The following CDH12 variants were observed in gnomAD, a reference collection of about 807,000 sequenced individuals.
CDH12 encodes cadherin 12, also known as cadherin-12.
A neutral mutation model predicts 74.1 loss-of-function variants in CDH12; 41 were observed. That is an observed-to-expected ratio of 0.55 (90% CI 0.43 to 0.72). CDH12 has a LOEUF of 0.72. Among genes scored for constraint, CDH12 ranks in the 30% least tolerant of loss-of-function variants. The probability of loss-of-function intolerance (pLI) is 0.00; values close to 1 mark genes in which losing one functional copy is unlikely to be tolerated. For synonymous variants in CDH12, 399 were observed against 355.0 expected (o/e 1.12, Z -1.39); for missense variants, 945 against 977.2 (o/e 0.97, Z 0.44).
intron 2 of CDH12, among the ~76,000 whole-genome samples, chr5:22,453,552 C>A (rs1745137846): frequency 6.6e-6 from 1 of 151,964 alleles, no homozygotes; most frequent in Non-Finnish European, 1.5e-5. Flanking sequence ...AGAAGTAGAG[C>A]ATTAAATAGT....
At chr5:21,811,391 A>G (rs918015020) in intron 9 of CDH12, among the ~76,000 whole-genome samples, 1 of 152,044 alleles carries the variant, frequency 6.6e-6, no homozygotes, top group African/African-American at 2.4e-5. Flanking sequence ...TTTGGAGAAA[A>G]TTCAAGTGCT....
chr5:22,431,536 G>A lies in CDH12; in HGVS notation c.-427-26185C>T, dbSNP rs572414752. On this transcript the variant is annotated intron_variant, in intron 2 of 14. Transcript: ENST00000382254. ...CTATTCTTTTTACAAGTATTTTAGA[G>A]TGGACTCCTTCTACTTATTAAAAAA... Among the ~76,000 whole-genome samples, 651 of 152,322 alleles carry A rather than the reference G, an allele frequency of 4.3e-3. 4 individuals are homozygous for A. Among genetic ancestry groups the A allele is most frequent in the African/African-American group, 0.015 (631 of 41,566 alleles).
chr5:22,138,535 G>A (rs1746586269), intron 4 of CDH12, among the ~76,000 whole-genome samples: 1 of 150,890 alleles, frequency 6.6e-6, no homozygotes, highest in Non-Finnish European at 1.5e-5. Context: ...CAAAATGAAT[G>A]TCTTCCTTTT....
intron 2 of CDH12, among the ~76,000 whole-genome samples, chr5:22,501,698 T>C (rs539998020): frequency 1.3e-4 from 20 of 150,456 alleles, no homozygotes; most frequent in South Asian, 1.0e-3. Flanking sequence ...GAATATCACA[T>C]GAACAAAATT....
intron 1 of CDH12, among the ~76,000 whole-genome samples, chr5:22,654,260 T>TTCTTTCTTTCTTTTAC (rs1739905096): frequency 6.6e-6 from 1 of 151,624 alleles, no homozygotes; most frequent in African/African-American, 2.4e-5. Flanking sequence ...TTCTCTTTCT[T>TTCTTTCTTTCTTTTAC]GCTTTCTTTC....
At chr5:21,974,949 A>G (rs1756996491) in intron 6 of CDH12, 142 bp downstream of exon 6, 2 of 650,906 alleles carry the variant, frequency 3.1e-6, no homozygotes, top group East Asian at 2.8e-5. Flanking sequence ...AAAAAGTTAC[A>G]AAAATAAATG....
intron 3 of CDH12, among the ~76,000 whole-genome samples, chr5:22,293,231 G>A (rs748155536): frequency 1.1e-4 from 17 of 152,080 alleles, no homozygotes; most frequent in Non-Finnish European, 1.8e-4. Context: ...AACGGGGACC[G>A]GACACAGTAG....
chr5:22,730,808 A>G (rs1363630810), intron 1 of CDH12, among the ~76,000 whole-genome samples: 1 of 151,832 alleles, frequency 6.6e-6, no homozygotes, highest in Non-Finnish European at 1.5e-5. Context: ...TATTATACAT[A>G]ATTTATTCCT....
At position 22,725,601 on chromosome 5, in the gene CDH12, T is replaced by TTTA. The variant is rs546393983; in HGVS notation, c.-523+127456_-523+127457insTAA. Reference sequence around the variant, plus strand: ...GGCAGGTCCTTCAAGCCATTTTTTTTTATATATATAAGGACACTAATCTCA... The same window carrying TTTA: ...GGCAGGTCCTTCAAGCCATTTTTTTTTTATATATATATAAGGACACTAATCTCA... On this transcript the variant is annotated intron_variant, in intron 1 of 14. Coordinates refer to ENST00000382254, the MANE Select transcript of CDH12 (RefSeq NM_004061.5). Among the ~76,000 whole-genome samples, 1,199 of 151,366 alleles carry TTTA rather than the reference T, an allele frequency of 7.9e-3. 15 individuals are homozygous for TTTA. Among genetic ancestry groups the TTTA allele is most frequent in the African/African-American group, 0.028 (1,148 of 41,186 alleles).
At chr5:22,312,592 TTAGA>T (rs756879834) in intron 3 of CDH12, among the ~76,000 whole-genome samples, 6 of 152,336 alleles carry the variant, frequency 3.9e-5, no homozygotes, top group Non-Finnish European at 5.9e-5. Context: ...AATAAGGAAC[TTAGA>T]TAGTCTCTTA....
chr5:22,373,251 C>G (rs1007974681), intron 3 of CDH12, among the ~76,000 whole-genome samples: 1 of 152,184 alleles, frequency 6.6e-6, no homozygotes, highest in Non-Finnish European at 1.5e-5. Flanking sequence ...CCTGCTGATC[C>G]AACAGTTGGC....
At chr5:22,177,160 G>A (rs1013759141) in intron 4 of CDH12, among the ~76,000 whole-genome samples, 6 of 152,128 alleles carry the variant, frequency 3.9e-5, no homozygotes, top group African/African-American at 1.4e-4. Flanking sequence ...TCTACCCTCA[G>A]TACTTAGCAC....
chr5:22,004,566 T>TA (rs1736824466), intron 5 of CDH12, among the ~76,000 whole-genome samples: 1 of 152,198 alleles, frequency 6.6e-6, no homozygotes, highest in South Asian at 2.1e-4. Context: ...AGCTATTCCC[T>TA]AGATATCCGC....
intron 5 of CDH12, among the ~76,000 whole-genome samples, chr5:21,982,761 A>C (rs1026220463): frequency 1.3e-5 from 2 of 151,958 alleles, no homozygotes; most frequent in African/African-American, 4.8e-5. Flanking sequence ...AAAAAAGGAG[A>C]ACAACTAATA....
chr5:21,760,573 C>T lies in CDH12; in HGVS notation c.1618G>A (p.Val540Ile), dbSNP rs140423691. ...TTACACTTACTTCTGAAGTCACGAA[C>T]TGTAAAATTTGGTTTGATAGCAGCC... Reference protein sequence around the residue: ...PEAAIKPNFTVRDFRNNTAGI... With the variant: ...PEAAIKPNFTIRDFRNNTAGI... The change falls in exon 13 of 15, where the codon GTT becomes ATT. Residue 540 changes from valine (V) to isoleucine (I), a missense_variant. Val to Ile is a conservative substitution (Grantham distance 29). This residue lies in a region of CDH12 where 791 missense variants were observed against 792.8 expected (regional missense o/e 1.00). Coordinates refer to ENST00000382254, the MANE Select transcript of CDH12 (RefSeq NM_004061.5). 1.9e-6 allele frequency: 3 copies of T among 1,578,314 alleles called. No homozygotes were observed. The highest frequency in any genetic ancestry group is 1.7e-6 in the Non-Finnish European group (2 of 1,149,214).
chr5:22,792,803 G>C (rs1664078413), intron 1 of CDH12, among the ~76,000 whole-genome samples: 1 of 152,128 alleles, frequency 6.6e-6, no homozygotes, highest in Non-Finnish European at 1.5e-5. Flanking sequence ...ACAGGCTCTG[G>C]CACAATTACA....
chr5:22,490,796 C>A (rs1448863103), intron 2 of CDH12, among the ~76,000 whole-genome samples: 1 of 152,082 alleles, frequency 6.6e-6, no homozygotes, highest in Non-Finnish European at 1.5e-5. Flanking sequence ...GTAGGGAGAA[C>A]TAACACTCTT....
At chr5:22,072,753 T>C (rs1742042941) in intron 5 of CDH12, among the ~76,000 whole-genome samples, 1 of 151,822 alleles carries the variant, frequency 6.6e-6, no homozygotes. Flanking sequence ...GATGTTCCCC[T>C]TTCTGTGTCC....
At chr5:22,771,548 GA>G (rs1175361705) in intron 1 of CDH12, among the ~76,000 whole-genome samples, 4 of 151,478 alleles carry the variant, frequency 2.6e-5, no homozygotes, top group South Asian at 2.1e-4. Context: ...TCCTATAACT[GA>G]AAAAAATATT....
Sources: gnomAD v4.1 joint callset for allele counts (sites outside exome capture counted in the v4.1 genomes callset) on GRCh38, gnomAD v4.1.1 for gene constraint, gnomAD v4.1.1 regional missense constraint, MANE v1.5 for transcripts, NCBI Gene and HGNC (gene_info 2026-07-23, HGNC 2026-07-21) for gene names.